Variants in TMTC4 observed in about 807,000 individuals in gnomAD.
TMTC4 encodes the protein protein O-mannosyl-transferase TMTC4.
TMTC4 carries 65 observed loss-of-function variants against 86.0 expected under a neutral mutation model. That is an observed-to-expected ratio of 0.76 (90% CI 0.62 to 0.93). The LOEUF (loss-of-function observed/expected upper bound fraction) is 0.93. Among genes scored for constraint, TMTC4 ranks in the 40% least tolerant of loss-of-function variants. The probability of loss-of-function intolerance (pLI) is 0.00; values close to 1 mark genes in which losing one functional copy is unlikely to be tolerated. For synonymous variants in TMTC4, 379 were observed against 382.5 expected, an observed-to-expected ratio of 0.99 and a Z score of 0.11; for missense variants, 866 against 948.1, an observed-to-expected ratio of 0.91 and a Z score of 1.14.
In TMTC4 at chr13:100,673,372, A is replaced by G. The variant is rs914341240; in HGVS notation, c.-208+1372T>C. ...CACCTACAGAAGAATATTCCCCTCC[A>G]TGCATCCAGGGGCCTGCTGACCTCT... On this transcript the variant is annotated intron_variant, in intron 1 of 18. Transcript: ENST00000342624. 55 of 985,200 alleles carry G rather than the reference A, an allele frequency of 5.6e-5. No homozygotes were observed. The African/African-American group carries it at 9.4e-4, about 17-fold the overall frequency. 61.0% of individuals were successfully genotyped at this position (985,200 alleles called of 1,614,324 possible).
chr13:100,647,998 G>A (rs1359944882), intron 6 of TMTC4, among the ~76,000 whole-genome samples: 3 of 152,132 alleles, frequency 2.0e-5, no homozygotes, highest in Non-Finnish European at 4.4e-5. Flanking sequence ...TGACAGAAGA[G>A]TCCTACTCTT....
rs766405697 is a variant in TMTC4, at chr13:100,637,574, G to C, written c.963C>G (p.Asp321Glu). 2.5e-6 allele frequency: 4 copies of C among 1,614,006 alleles called. No individual in the cohort carries two copies. In the African/African-American group the frequency reaches 5.3e-5, roughly 22 times the overall value. Residue 321 changes from aspartate to glutamate, a missense_variant, in exon 9 of 19, where the codon GAC becomes GAG. By Grantham distance (45) the Asp-to-Glu change is conservative. Transcript: ENST00000342624. Reference protein sequence around the residue: ...GTGPPAFTEVDNPASFADSML... With the variant: ...GTGPPAFTEVENPASFADSML... The stretch of plus-strand genomic sequence containing the variant: ...TGCTGTCAGCAAAGGAGGCCGGGTT[G>C]TCCACCTCGGTGAAGGCCGGCGGGC...
At chr13:100,613,309 A>AT (rs1270652415) in intron 16 of TMTC4, among the ~76,000 whole-genome samples, 2 of 152,034 alleles carry the variant, frequency 1.3e-5, no homozygotes, top group African/African-American at 4.8e-5. Flanking sequence ...CAGATCCCCC[A>AT]TGAGTGAGAG....
intron 3 of TMTC4, among the ~76,000 whole-genome samples, chr13:100,664,949 A>C (rs545866970): frequency 6.6e-6 from 1 of 152,350 alleles, no homozygotes; most frequent in African/African-American, 2.4e-5. Flanking sequence ...AAATAAGATC[A>C]CTATTAACCT....
chr13:100,635,291 T>C lies in TMTC4; in HGVS notation c.1203-96A>G, dbSNP rs181836587. 58 of 1,279,242 alleles carry C rather than the reference T, an allele frequency of 4.5e-5. 2 individuals are homozygous for C. In the East Asian group the frequency reaches 7.4e-4, roughly 16 times the overall value. The allele number at this position is 1,279,242 out of a possible 1,614,324, so 79.2% of individuals were successfully genotyped here. On this transcript the variant is annotated intron_variant, in intron 10 of 18. Transcript: ENST00000342624. ...TAAATTAATGCTAAAGACCTTTTCT[T>C]TTCCATGGCATCAACTGAGAAAAGA...
chr13:100,607,480 G>A (rs1876826828), intron 17 of TMTC4, among the ~76,000 whole-genome samples: 1 of 150,704 alleles, frequency 6.6e-6, no homozygotes, highest in South Asian at 2.1e-4. Flanking sequence ...CTGCGCCACT[G>A]CACTCCAGCC....
In TMTC4 at chr13:100,674,205, T is replaced by G. The variant is rs531903748; in HGVS notation, c.-208+539A>C. 212 of 979,962 alleles carry G rather than the reference T, an allele frequency of 2.2e-4. 3 individuals are homozygous for G. The Admixed American group carries it at 9.2e-3, about 43-fold the overall frequency. 60.7% of individuals were successfully genotyped at this position (979,962 alleles called of 1,614,324 possible). A position where few individuals can be genotyped will look rare whatever the true frequency, so the allele number is the denominator to read the frequency against. On this transcript the variant is annotated intron_variant, in intron 1 of 18. Coordinates refer to ENST00000342624, the MANE Select transcript of TMTC4 (RefSeq NM_032813.5). ...GCCGGTGGCCCCGCGCTCGCGCCGCTCCGCTCCGCAGCCGAGCGTGGAGTA... is the reference window on the plus strand; with the variant it reads ...GCCGGTGGCCCCGCGCTCGCGCCGCGCCGCTCCGCAGCCGAGCGTGGAGTA...
chr13:100,637,848 G>C, intron 8 of TMTC4, 82 bp downstream of exon 8: 3 of 1,534,356 alleles, frequency 2.0e-6, no homozygotes, highest in Admixed American at 1.8e-5. Context: ...AAAATCACAA[G>C]GAATATTTGA....
intron 12 of TMTC4, among the ~76,000 whole-genome samples, chr13:100,631,671 C>T (rs895875321): frequency 6.6e-6 from 1 of 152,140 alleles, no homozygotes; most frequent in Admixed American, 6.5e-5. Flanking sequence ...AGTCTTAGCT[C>T]ACACATCTGG....
chr13:100,639,870 G>A (rs892473534), intron 7 of TMTC4, among the ~76,000 whole-genome samples: 9 of 152,166 alleles, frequency 5.9e-5, no homozygotes, highest in Non-Finnish European at 1.3e-4. Context: ...AACCTGGGAG[G>A]TGGAGGTCGT....
intron 15 of TMTC4, among the ~76,000 whole-genome samples, chr13:100,619,573 G>A (rs563905046): frequency 2.0e-5 from 3 of 152,192 alleles, no homozygotes; most frequent in Non-Finnish European, 2.9e-5. Context: ...CTTGTCCTAC[G>A]CTACACAGCA....
chr13:100,611,352 G>T (rs545195864), intron 17 of TMTC4, among the ~76,000 whole-genome samples: 2 of 152,180 alleles, frequency 1.3e-5, no homozygotes, highest in Non-Finnish European at 2.9e-5. Context: ...TTGGGAAGCC[G>T]AGGAGGGTGG....
intron 5 of TMTC4, among the ~76,000 whole-genome samples, chr13:100,658,544 G>A (rs1294448509): frequency 6.6e-6 from 1 of 152,044 alleles, no homozygotes; most frequent in Non-Finnish European, 1.5e-5. Flanking sequence ...AACAGGGGGA[G>A]CAGGTGTCAG....
chr13:100,607,355 A>G lies in TMTC4; in HGVS notation c.2065-928T>C, dbSNP rs1222392048. Among the ~76,000 whole-genome samples, 6 of 152,110 alleles carry G rather than the reference A, an allele frequency of 3.9e-5. No individual in the cohort carries two copies. The South Asian group carries it at 6.2e-4, about 16-fold the overall frequency. ...AACATGGTGAAAACCCGTCTCTACT[A>G]AAAATACAAAAATTAGCCGGGTGTG... On this transcript the variant is annotated intron_variant, in intron 17 of 18. Transcript: ENST00000342624.
chr13:100,656,239 A>G, intron 6 of TMTC4, 142 bp downstream of exon 6: 1 of 610,168 alleles, frequency 1.6e-6, no homozygotes, highest in Non-Finnish European at 2.8e-6. Flanking sequence ...ATATCTAAAG[A>G]GAGTTTATGC....
chr13:100,611,576 C>T (rs1463248867), intron 17 of TMTC4, among the ~76,000 whole-genome samples: 3 of 152,120 alleles, frequency 2.0e-5, no homozygotes, highest in African/African-American at 4.8e-5. Flanking sequence ...AAGAGCGAGA[C>T]TCCGTCTCAA....
intron 15 of TMTC4, among the ~76,000 whole-genome samples, chr13:100,618,190 C>T (rs918396801): frequency 6.6e-6 from 1 of 152,108 alleles, no homozygotes; most frequent in Admixed American, 6.6e-5. Context: ...GACTTTGTAT[C>T]CTGAAACTTT....
At chr13:100,625,699 G>T (rs1319033607) in intron 14 of TMTC4, 23 bp from the exon 15 acceptor site, 1 of 1,612,002 alleles carries the variant, frequency 6.2e-7, no homozygotes. Context: ...TTTTAACAAA[G>T]ATAAACAAGA....
intron 5 of TMTC4, 74 bp from the exon 6 acceptor site, chr13:100,656,542 C>CTT (rs35563246): frequency 0.3 from 115,574 of 378,996 alleles, 16,233 homozygotes; most frequent in East Asian, 0.5. Context: ...GGAGACATAA[C>CTT]TTTTTTTTTT....
Sources: gnomAD v4.1 joint callset for allele counts (sites outside exome capture counted in the v4.1 genomes callset) on GRCh38, gnomAD v4.1.1 for gene constraint, MANE v1.5 for transcripts, NCBI Gene and HGNC (gene_info 2026-07-23, HGNC 2026-07-21) for gene names.